Variants in TENM2 observed in about 807,000 individuals in gnomAD.
TENM2 encodes the protein teneurin transmembrane protein 2.
A neutral mutation model predicts 245.2 loss-of-function variants in TENM2; 52 were observed. The ratio of observed to expected loss-of-function variants is 0.21; its 90% CI spans 0.17 to 0.27. The LOEUF is 0.27. TENM2 is among the 10% of genes least tolerant of loss of function. TENM2 has a pLI of 1.00. For synonymous variants in TENM2, 1,363 were observed against 1,438.9 expected (o/e 0.95, Z 1.19); for missense variants, 3,046 against 3,666.8 (o/e 0.83, Z 4.37).
intron 13 of TENM2, chr5:168,186,974 C>T (rs1760506116): frequency 6.6e-6 from 1 of 152,140 alleles, no homozygotes; most frequent in African/African-American, 2.4e-5. Context: ...TTCACAGTGT[C>T]GTCTGAAAGT....
intron 5 of TENM2, among the ~76,000 whole-genome samples, chr5:167,998,688 A>G (rs1006219107): frequency 6.6e-6 from 1 of 152,060 alleles, no homozygotes; most frequent in Non-Finnish European, 1.5e-5. Context: ...AAATACATAT[A>G]TATATATTAG....
chr5:167,609,496 AAAAAAAAAAAAAAAAAC>A (rs1177136554), intron 2 of TENM2, among the ~76,000 whole-genome samples: 5 of 139,574 alleles, frequency 3.6e-5, no homozygotes, highest in East Asian at 4.3e-4. Context: ...TGCAAAAAAA[AAAAAAAAAAAAAAAAAC>A]AAAACCTTAC....
chr5:167,926,731 C>G, intron 3 of TENM2, among the ~76,000 whole-genome samples: 1 of 144,572 alleles, frequency 6.9e-6, no homozygotes, highest in Non-Finnish European at 1.5e-5. Flanking sequence ...CACACACACA[C>G]ACACACACAC....
rs78545933 is a variant in TENM2, at chr5:167,610,174, T to C, written c.502+234701T>C. On this transcript the variant is annotated intron_variant, in intron 2 of 28. Coordinates refer to ENST00000518659, the Ensembl canonical transcript of TENM2. ...CAAACAGCCAGGCAGAAGAGAAGCA[T>C]AGGACAAGGTATTGGCAAGGTATAG... is the stretch of plus-strand genomic sequence containing the variant. Among the ~76,000 whole-genome samples, 174 of 152,164 alleles carry C rather than the reference T, an allele frequency of 1.1e-3. 4 individuals are homozygous for C. In the East Asian group the frequency reaches 0.031, roughly 27 times the overall value.
At chr5:166,992,992 A>G in the TENM2 span, among the ~76,000 whole-genome samples, 21 of 152,194 alleles carry the variant, frequency 1.4e-4, no homozygotes, top group African/African-American at 5.1e-4. Context: ...TGTAGTCCAC[A>G]GTCTCCCCAG....
chr5:167,672,042 A>C (rs1039624658), intron 2 of TENM2, among the ~76,000 whole-genome samples: 1 of 152,040 alleles, frequency 6.6e-6, no homozygotes. Flanking sequence ...AATGTAATAT[A>C]TGCATTCTTT....
the TENM2 span, among the ~76,000 whole-genome samples, chr5:167,172,632 T>G: frequency 1.3e-5 from 2 of 151,478 alleles, no homozygotes; most frequent in African/African-American, 2.4e-5. Context: ...ATCTTTTTTT[T>G]TTTTTTTCTA....
chr5:167,762,081 C>T (rs1762708581), intron 2 of TENM2, among the ~76,000 whole-genome samples: 2 of 152,186 alleles, frequency 1.3e-5, no homozygotes, highest in South Asian at 4.1e-4. Context: ...TCTCAGATGG[C>T]TCTTTGGAAG....
At chr5:167,480,265 C>T (rs949421100) in intron 2 of TENM2, among the ~76,000 whole-genome samples, 8 of 152,182 alleles carry the variant, frequency 5.3e-5, no homozygotes, top group Admixed American at 5.2e-4. Flanking sequence ...GATTGTAAGA[C>T]ATTCCCATAA....
intron 2 of TENM2, among the ~76,000 whole-genome samples, chr5:167,398,070 G>C (rs1762157065): frequency 6.6e-6 from 1 of 152,254 alleles, no homozygotes; most frequent in African/African-American, 2.4e-5. Context: ...GTAATTTCTT[G>C]TCCTAGCTCT....
chr5:167,596,906 A>AGTTC (rs1776256387), intron 2 of TENM2, among the ~76,000 whole-genome samples: 1 of 152,144 alleles, frequency 6.6e-6, no homozygotes, highest in South Asian at 2.1e-4. Flanking sequence ...TCCAGCAATC[A>AGTTC]GTTCACCTTC....
chr5:167,634,039 G>A (rs1376398821), intron 2 of TENM2, among the ~76,000 whole-genome samples: 2 of 152,138 alleles, frequency 1.3e-5, no homozygotes, highest in Non-Finnish European at 2.9e-5. Flanking sequence ...TAAATTAGTT[G>A]TGGAAAACTT....
At chr5:167,926,086 G>A (rs1468605666) in intron 3 of TENM2, among the ~76,000 whole-genome samples, 6 of 152,000 alleles carry the variant, frequency 3.9e-5, no homozygotes, top group Non-Finnish European at 7.4e-5. Context: ...AAACCTTCAC[G>A]TGTACCCTCA....
chr5:168,162,663 C>A (rs370737714), exon 13 of TENM2: 2 of 1,614,032 alleles, frequency 1.2e-6, no homozygotes, highest in Non-Finnish European at 1.7e-6. Flanking sequence ...TGGGTCAGAA[C>A]AGCTGGCAGT....
intron 2 of TENM2, among the ~76,000 whole-genome samples, chr5:167,518,858 G>C (rs1359482698): frequency 6.6e-6 from 1 of 152,112 alleles, no homozygotes; most frequent in Non-Finnish European, 1.5e-5. Context: ...TTGGGAGGAT[G>C]GGGGTACAGA....
At chr5:168,262,237 C>T (rs1205099490) in exon 29 of TENM2, 14 of 1,604,874 alleles carry the variant, frequency 8.7e-6, no homozygotes, top group East Asian at 2.2e-5. Flanking sequence ...TGACCACGGG[C>T]GTGTCCAGCA....
chr5:167,153,228 A>G, the TENM2 span, among the ~76,000 whole-genome samples: 1 of 151,920 alleles, frequency 6.6e-6, no homozygotes, highest in African/African-American at 2.4e-5. Context: ...TTAACTACTC[A>G]TTGCCTGTTG....
At chr5:167,236,445 G>A in the TENM2 span, among the ~76,000 whole-genome samples, 4 of 152,278 alleles carry the variant, frequency 2.6e-5, no homozygotes, top group East Asian at 7.7e-4. Flanking sequence ...AGGGCTGAAG[G>A]TCACTGAGTG....
At chr5:167,071,746 A>G in the TENM2 span, among the ~76,000 whole-genome samples, 3 of 152,152 alleles carry the variant, frequency 2.0e-5, no homozygotes, top group African/African-American at 7.2e-5. Flanking sequence ...TTCCCATTTT[A>G]CAGATAAGAA....
Sources: gnomAD v4.1 joint callset for allele counts (sites outside exome capture counted in the v4.1 genomes callset) on GRCh38, gnomAD v4.1.1 for gene constraint, MANE v1.5 for transcripts, NCBI Gene and HGNC (gene_info 2026-07-23, HGNC 2026-07-21) for gene names.